Variants in PSEN2 observed in about 807,000 individuals in gnomAD.
PSEN2 encodes presenilin 2.
In PSEN2, 32 loss-of-function variants were observed where a neutral mutation model predicts 49.1. The ratio of observed to expected loss-of-function variants is 0.65; its 90% CI spans 0.49 to 0.88. PSEN2 has a LOEUF of 0.88. Ranked by LOEUF, PSEN2 falls within the 40% of genes least tolerant of loss-of-function variation. The pLI, the probability that PSEN2 is intolerant of heterozygous loss-of-function variation, is 0.00. For synonymous variants in PSEN2, 255 were observed against 244.0 expected, an observed-to-expected ratio of 1.05 and a Z score of -0.42; for missense variants, 522 against 586.9, an observed-to-expected ratio of 0.89 and a Z score of 1.14.
chr1:226,885,478 G>T (rs1015108267), intron 5 of PSEN2, 60 bp from the exon 6 acceptor site: 2 of 1,592,512 alleles, frequency 1.3e-6, no homozygotes, highest in African/African-American at 2.7e-5. Context: ...ATCACTCAAG[G>T]TGGGGAGCCT....
At chr1:226,885,488 T>C in intron 5 of PSEN2, 50 bp from the exon 6 acceptor site, 1 of 1,602,918 alleles carries the variant, frequency 6.2e-7, no homozygotes, top group Non-Finnish European at 8.5e-7. Flanking sequence ...GTGGGGAGCC[T>C]CGAGGAGCAG....
intron 1 of PSEN2, chr1:226,870,960 C>A (rs1660240024): frequency 6.6e-6 from 1 of 152,352 alleles, no homozygotes; most frequent in Non-Finnish European, 1.5e-5. Flanking sequence ...TCCCTGCGCC[C>A]GCCTGCCGCC....
rs754569211 is a variant in PSEN2 at position 226,888,954 on chromosome 1, A to AC, written c.694dup (p.Leu232ProfsTer32). The stretch of plus-strand genomic sequence containing the variant: ...GGCCCTCTGGTGCTGCAGCAGGCCT[A>AC]CCTCATCATGATCAGTGCGCTCATG... On this transcript the variant is annotated frameshift_variant, in exon 8 of 13. Coordinates refer to ENST00000366783, the MANE Select transcript of PSEN2 (RefSeq NM_000447.3). LOFTEE classifies it high-confidence loss of function. 1.3e-5 allele frequency: 21 copies of AC among 1,614,100 alleles called. No individual in the cohort carries two copies. Among genetic ancestry groups the AC allele is most frequent in the Non-Finnish European group, 1.8e-5 (21 of 1,180,008 alleles).
intron 10 of PSEN2, 41 bp downstream of exon 10, chr1:226,891,402 G>C (rs756315272): frequency 6.5e-7 from 1 of 1,537,182 alleles, no homozygotes; most frequent in African/African-American, 1.4e-5. Flanking sequence ...ATCACTGGGG[G>C]GCAGCTCCCT....
chr1:226,883,021 C>T (rs993776477), intron 4 of PSEN2, among the ~76,000 whole-genome samples: 8 of 152,212 alleles, frequency 5.3e-5, no homozygotes, highest in Non-Finnish European at 1.0e-4. Context: ...ATGACCTTGA[C>T]TTGCCACAGT....
chr1:226,895,852 G>T lies in PSEN2; in HGVS notation c.*273G>T. On this transcript the variant is annotated 3_prime_UTR_variant, in exon 13 of 13. Transcript: ENST00000366783. The stretch of plus-strand genomic sequence containing the variant: ...AACTGAGAAGGTCAGATTAGGGCGG[G>T]GAGAAGAGCATCCGGCATGAGGGCT... 1.9e-6 allele frequency: 1 copy of T among 520,842 alleles called. No individual in the cohort carries two copies. Among genetic ancestry groups the T allele is most frequent in the Non-Finnish European group, 3.5e-6 (1 of 287,682 alleles). The allele number at this position is 520,842 out of a possible 1,614,324, so 32.3% of individuals were successfully genotyped here.
rs560839401 is a variant in PSEN2 at position 226,895,312 on chromosome 1, G to A, written c.1192-112G>A. On this transcript the variant is annotated intron_variant, in intron 12 of 12. Coordinates refer to ENST00000366783, the MANE Select transcript of PSEN2 (RefSeq NM_000447.3). ...GGAAGATAATGGGGTGTCTAGCGCC[G>A]TTATCCGACTGGTCCTCGAACAAGC... 36 of 1,267,914 alleles carry A rather than the reference G, an allele frequency of 2.8e-5. No homozygotes were observed. The East Asian group carries it at 5.7e-4, about 20-fold the overall frequency. 78.5% of individuals were successfully genotyped at this position (1,267,914 alleles called of 1,614,324 possible).
Position 226,880,873 on chromosome 1 carries a change from T to C in PSEN2, c.-20-1015T>C, listed in dbSNP as rs1168666724. On this transcript the variant is annotated intron_variant, in intron 3 of 12. Transcript: ENST00000366783. ...TCCCCACCTCACACGTCTGCTCTCA[T>C]GGCTTAGGTCTCCACTTCTAACCTC... The C allele has an allele frequency of 5.1e-6, 7 of 1,372,750 alleles. No homozygotes were observed. The East Asian group carries it at 1.6e-4, about 32-fold the overall frequency. 85.0% of individuals were successfully genotyped at this position (1,372,750 alleles called of 1,614,324 possible).
At chr1:226,879,158 C>T (rs983094062) in intron 3 of PSEN2, among the ~76,000 whole-genome samples, 10 of 152,162 alleles carry the variant, frequency 6.6e-5, no homozygotes, top group South Asian at 2.1e-4. Context: ...AGGCGTGAGC[C>T]GAGCCACCAT....
intron 2 of PSEN2, among the ~76,000 whole-genome samples, chr1:226,871,638 C>G (rs945746196): frequency 6.6e-6 from 1 of 152,222 alleles, no homozygotes; most frequent in Non-Finnish European, 1.5e-5. Context: ...CTGGGGTTGC[C>G]AAGGCTGTCT....
chr1:226,873,075 G>C (rs1289687748), intron 2 of PSEN2, among the ~76,000 whole-genome samples: 1 of 152,088 alleles, frequency 6.6e-6, no homozygotes, highest in East Asian at 1.9e-4. Context: ...TACTCAGGAG[G>C]CTGAGGCAGG....
intron 2 of PSEN2, among the ~76,000 whole-genome samples, chr1:226,874,421 G>T (rs935095330): frequency 2.6e-5 from 4 of 152,178 alleles, no homozygotes; most frequent in Non-Finnish European, 5.9e-5. Flanking sequence ...GGCGTTGATG[G>T]CCTTTACGGT....
At chr1:226,889,992 G>T in intron 8 of PSEN2, 43 bp from the exon 9 acceptor site, 1 of 1,512,242 alleles carries the variant, frequency 6.6e-7, no homozygotes, top group Non-Finnish European at 9.2e-7. Context: ...TCTTCAGGGG[G>T]CTGCCCGGGG....
At chr1:226,890,473 C>T (rs1487833718) in intron 9 of PSEN2, 1 of 354,380 alleles carries the variant, frequency 2.8e-6, no homozygotes, top group Non-Finnish European at 5.5e-6. Context: ...AGGGATTCTT[C>T]AGGGCAGGGG....
downstream of PSEN2, chr1:226,898,340 G>A (rs1662218872): frequency 6.6e-6 from 1 of 152,228 alleles, no homozygotes; most frequent in Non-Finnish European, 1.5e-5. Context: ...GTTTTGCAGT[G>A]TTTCTGTATT....
chr1:226,886,981 G>A (rs150930019), intron 6 of PSEN2, among the ~76,000 whole-genome samples: 1 of 152,204 alleles, frequency 6.6e-6, no homozygotes, highest in African/African-American at 2.4e-5. Context: ...TAACTGTGAC[G>A]AGGCAGGGTT....
intron 7 of PSEN2, 47 bp from the exon 8 acceptor site, chr1:226,888,782 A>G: frequency 6.5e-7 from 1 of 1,528,288 alleles, no homozygotes; most frequent in Non-Finnish European, 9.1e-7. Context: ...GCTAGGCTGT[A>G]ATGCCTCCAC....
chr1:226,899,734 A>G (rs1162110285), downstream of PSEN2, among the ~76,000 whole-genome samples: 1 of 152,182 alleles, frequency 6.6e-6, no homozygotes, highest in Non-Finnish European at 1.5e-5. Flanking sequence ...AGTGCATGGT[A>G]TCAGGGGTCA....
At chr1:226,894,146 C>G in intron 12 of PSEN2, 21 bp downstream of exon 12, 1 of 1,601,058 alleles carries the variant, frequency 6.2e-7, no homozygotes, top group Non-Finnish European at 8.6e-7. Context: ...GGGGATGCGT[C>G]CAGCTGCCTC....
Sources: gnomAD v4.1 joint callset for allele counts (sites outside exome capture counted in the v4.1 genomes callset) on GRCh38, gnomAD v4.1.1 for gene constraint, MANE v1.5 for transcripts, NCBI Gene and HGNC (gene_info 2026-07-23, HGNC 2026-07-21) for gene names.